Variants in URI1 observed in about 807,000 individuals in gnomAD.
URI1 encodes unconventional prefoldin RPB5 interactor 1.
URI1 carries 39 observed loss-of-function variants against 60.2 expected under a neutral mutation model. The observed-to-expected ratio is 0.65, with a 90% CI of 0.50 to 0.85. The LOEUF is 0.85. Ranked by LOEUF, URI1 falls within the 40% of genes least tolerant of loss-of-function variation. The pLI is 0.00. For synonymous variants in URI1, 251 were observed against 236.8 expected, an observed-to-expected ratio of 1.06 and a Z score of -0.55; for missense variants, 691 against 665.9, an observed-to-expected ratio of 1.04 and a Z score of -0.42.
chr19:29,936,687 C>T (rs1238085798), intron 1 of URI1, among the ~76,000 whole-genome samples: 1 of 152,162 alleles, frequency 6.6e-6, no homozygotes, highest in Non-Finnish European at 1.5e-5. Flanking sequence ...CCTTCAGGAA[C>T]TTCTACTATG....
At chr19:29,945,329 C>CT (rs2055089985) in intron 1 of URI1, among the ~76,000 whole-genome samples, 1 of 152,114 alleles carries the variant, frequency 6.6e-6, no homozygotes, top group Non-Finnish European at 1.5e-5. Context: ...TTTGCTCTTT[C>CT]TTTTTTTCCA....
At chr19:29,970,003 T>C (rs2055438040) in intron 1 of URI1, among the ~76,000 whole-genome samples, 1 of 152,004 alleles carries the variant, frequency 6.6e-6, no homozygotes, top group African/African-American at 2.4e-5. Flanking sequence ...TTTCTGATTA[T>C]AGCATGTATT....
At chr19:30,013,240 C>T (rs1160579947) in intron 10 of URI1, among the ~76,000 whole-genome samples, 1 of 152,112 alleles carries the variant, frequency 6.6e-6, no homozygotes, top group Non-Finnish European at 1.5e-5. Context: ...GGAACCCATG[C>T]CTGGATCAAA....
chr19:29,956,285 C>CTT (rs369678110), intron 1 of URI1: 5,207 of 372,194 alleles, frequency 0.014, 38 homozygotes, highest in African/African-American at 0.044. Flanking sequence ...CCAGAGTAGT[C>CTT]TTTTTTTTTT....
At chr19:29,936,789 A>G (rs1288624594) in intron 1 of URI1, among the ~76,000 whole-genome samples, 1 of 151,238 alleles carries the variant, frequency 6.6e-6, no homozygotes. Context: ...GTCTCACTCT[A>G]TTGCCCAGGC....
chr19:29,967,473 T>G (rs2055404775), intron 1 of URI1, among the ~76,000 whole-genome samples: 1 of 152,234 alleles, frequency 6.6e-6, no homozygotes, highest in Non-Finnish European at 1.5e-5. Flanking sequence ...TTTATACTTG[T>G]TTCATCTGAA....
intron 4 of URI1, among the ~76,000 whole-genome samples, chr19:30,000,511 CCTG>C (rs1233923309): frequency 6.6e-6 from 1 of 151,862 alleles, no homozygotes; most frequent in Non-Finnish European, 1.5e-5. Context: ...TCCTTATACT[CCTG>C]CTTCTTATTG....
chr19:30,010,234 C>T (rs1280021041), intron 8 of URI1, among the ~76,000 whole-genome samples: 1 of 152,182 alleles, frequency 6.6e-6, no homozygotes, highest in Non-Finnish European at 1.5e-5. Flanking sequence ...TGGTATCATT[C>T]TTAAGTGTGT....
chr19:30,009,285 G>A lies in URI1; in HGVS notation c.967G>A (p.Glu323Lys), dbSNP rs145352288. ...IDDDDGDNDH[E>K]ALGVGDNSIP... ...CGACGATGATGGTGATAACGACCAT[G>A]AGGCTTTAGGGGTTGGAGATAATTC... The change falls in exon 8 of 11, where the codon GAG becomes AAG. Residue 323 changes from glutamate (E) to lysine (K), a missense_variant. Coordinates refer to ENST00000392271, the MANE Select transcript of URI1 (RefSeq NM_003796.3). 1.2e-6 allele frequency: 2 copies of A among 1,614,002 alleles called. No homozygotes were observed. The highest frequency in any genetic ancestry group is 2.7e-5 in the African/African-American group (2 of 74,910).
intron 4 of URI1, among the ~76,000 whole-genome samples, chr19:30,002,817 A>G (rs1385076008): frequency 6.6e-6 from 1 of 151,974 alleles, no homozygotes; most frequent in East Asian, 1.9e-4. Context: ...GATTAAAATG[A>G]ATACAGATAT....
chr19:29,971,187 T>C lies in URI1; in HGVS notation c.118-6T>C. The C allele has an allele frequency of 6.2e-7, 1 of 1,612,392 alleles. No individual in the cohort carries two copies. Among genetic ancestry groups the C allele is most frequent in the Non-Finnish European group, 8.5e-7 (1 of 1,179,270 alleles). ...TTTCATGAGTAGTTATCTGTTTTCATGACAGGTGGTCACTAACTGCCAAGA... is the reference window on the plus strand; with the variant it reads ...TTTCATGAGTAGTTATCTGTTTTCACGACAGGTGGTCACTAACTGCCAAGA... On this transcript the variant is annotated splice_region_variant and splice_polypyrimidine_tract_variant and intron_variant, in intron 1 of 10. Coordinates refer to ENST00000392271, the MANE Select transcript of URI1 (RefSeq NM_003796.3).
chr19:29,980,939 A>T (rs956054223), intron 2 of URI1, among the ~76,000 whole-genome samples: 2 of 151,560 alleles, frequency 1.3e-5, no homozygotes, highest in African/African-American at 4.8e-5. Context: ...AAAAAAAAAA[A>T]AAAAAGTTCA....
chr19:29,964,467 T>C (rs1241056756), intron 1 of URI1, among the ~76,000 whole-genome samples: 1 of 148,894 alleles, frequency 6.7e-6, no homozygotes, highest in African/African-American at 2.5e-5. Flanking sequence ...TTGTTTTGTT[T>C]TTTTTTTTTT....
chr19:29,967,276 T>C (rs2055402526), intron 1 of URI1, among the ~76,000 whole-genome samples: 1 of 152,220 alleles, frequency 6.6e-6, no homozygotes, highest in Admixed American at 6.5e-5. Flanking sequence ...AGGTGGACAC[T>C]AATGAACAGA....
intron 9 of URI1, among the ~76,000 whole-genome samples, 179 bp downstream of exon 9, chr19:30,011,415 G>A (rs946507403): frequency 1.3e-5 from 2 of 151,988 alleles, no homozygotes; most frequent in African/African-American, 4.8e-5. Flanking sequence ...GTCCAGAGCA[G>A]TGGGAATGGA....
chr19:29,957,065 T>C (rs751315165), intron 1 of URI1: 3 of 541,230 alleles, frequency 5.5e-6, no homozygotes, highest in Non-Finnish European at 9.9e-6. Context: ...TGTCATTTTG[T>C]CATTTTCCTG....
Position 29,942,680 on chromosome 19 carries a change from G to A in URI1, c.117+16G>A. On this transcript the variant is annotated intron_variant, in intron 1 of 10. Coordinates refer to ENST00000392271, the MANE Select transcript of URI1 (RefSeq NM_003796.3). ...GCAGGAAAAGGTAACTAGCAGCCCC[G>A]CGCCGCTTCCGCCTCCGCCCGCCGG... The A allele has an allele frequency of 1.5e-6, 2 of 1,344,358 alleles. No individual in the cohort carries two copies. The highest frequency in any genetic ancestry group is 3.5e-5 in the South Asian group (2 of 57,090). The allele number at this position is 1,344,358 out of a possible 1,614,324, so 83.3% of individuals were successfully genotyped here. A position where few individuals can be genotyped will look rare whatever the true frequency, so the allele number is the denominator to read the frequency against.
intron 4 of URI1, among the ~76,000 whole-genome samples, chr19:29,987,474 T>G (rs921528335): frequency 5.3e-5 from 8 of 152,218 alleles, no homozygotes; most frequent in Admixed American, 6.5e-5. Context: ...TGTATGTAAT[T>G]TCTGGCAATG....
At chr19:30,011,034 T>C in intron 8 of URI1, 60 bp from the exon 9 acceptor site, 1 of 1,550,318 alleles carries the variant, frequency 6.5e-7, no homozygotes, top group South Asian at 1.2e-5. Context: ...TTTATTTGTT[T>C]TGGTTTCACT....
Sources: gnomAD v4.1 joint callset for allele counts (sites outside exome capture counted in the v4.1 genomes callset) on GRCh38, gnomAD v4.1.1 for gene constraint, MANE v1.5 for transcripts, NCBI Gene and HGNC (gene_info 2026-07-23, HGNC 2026-07-21) for gene names.